The following FHIT variants were observed in gnomAD, a reference collection of about 807,000 sequenced individuals.
FHIT encodes the protein fragile histidine triad diadenosine triphosphatase.
Under a neutral mutation model 17.9 loss-of-function variants are expected in FHIT, and 19 were observed. That is an observed-to-expected ratio of 1.06 (90% confidence interval 0.74 to 1.56). The LOEUF (loss-of-function observed/expected upper bound fraction) is 1.56. Ranked by LOEUF, FHIT falls within the 40% of genes most tolerant of loss-of-function variation. The pLI is 0.00. For synonymous variants in FHIT, 81 were observed against 69.7 expected, an observed-to-expected ratio of 1.16 and a Z score of -0.81; for missense variants, 248 against 189.2, an observed-to-expected ratio of 1.31 and a Z score of -1.82.
chr3:60,488,526 G>A (rs187158670), intron 5 of FHIT, among the ~76,000 whole-genome samples: 17 of 152,286 alleles, frequency 1.1e-4, no homozygotes, highest in Admixed American at 9.8e-4. Flanking sequence ...GGGTCTTGAG[G>A]ATCTAGACAT....
chr3:60,786,485 T>G (rs557981782), intron 4 of FHIT, among the ~76,000 whole-genome samples: 1 of 152,340 alleles, frequency 6.6e-6, no homozygotes, highest in Non-Finnish European at 1.5e-5. Context: ...TAGCAATACC[T>G]GTCCTCAAAT....
chr3:61,202,154 G>A (rs2039040375), intron 1 of FHIT, among the ~76,000 whole-genome samples: 2 of 152,174 alleles, frequency 1.3e-5, no homozygotes, highest in South Asian at 4.2e-4. Context: ...TGGGAAGTGA[G>A]AAGCGCCTCT....
At chr3:60,379,566 A>G (rs759996456) in intron 5 of FHIT, among the ~76,000 whole-genome samples, 29 of 152,202 alleles carry the variant, frequency 1.9e-4, no homozygotes, top group Non-Finnish European at 4.0e-4. Context: ...TTCAACAGGA[A>G]CAAGTTTGGT....
intron 7 of FHIT, among the ~76,000 whole-genome samples, chr3:59,994,107 G>C (rs1353410593): frequency 6.6e-6 from 1 of 152,022 alleles, no homozygotes; most frequent in African/African-American, 2.4e-5. Context: ...GGATCACAGA[G>C]CTAGGAAGAA....
chr3:60,987,721 T>C (rs1167010397), intron 3 of FHIT, among the ~76,000 whole-genome samples: 1 of 152,200 alleles, frequency 6.6e-6, no homozygotes, highest in African/African-American at 2.4e-5. Flanking sequence ...AAAATCATTT[T>C]ATAGAGCCAA....
chr3:59,808,992 C>T (rs190605305), intron 8 of FHIT, among the ~76,000 whole-genome samples: 6 of 152,130 alleles, frequency 3.9e-5, no homozygotes, highest in East Asian at 1.9e-4. Flanking sequence ...ATCATTTTCC[C>T]GGTGGTGATC....
rs368230737 is a variant in FHIT at position 60,270,836 on chromosome 3, T to C, written c.104-256684A>G. ...TGGGGAGGAACACCGGCAAGGATTT[T>C]ATCCTTCCAGAGAAAGCCATATCTG... is the stretch of plus-strand genomic sequence containing the variant. On this transcript the variant is annotated intron_variant, in intron 5 of 9. Transcript: ENST00000492590. Among the ~76,000 whole-genome samples the C allele has an allele frequency of 8.5e-5, 13 of 152,306 alleles. No individual in the cohort carries two copies. The East Asian group carries it at 1.9e-3, about 23-fold the overall frequency.
intron 5 of FHIT, among the ~76,000 whole-genome samples, chr3:60,318,221 T>A (rs993913383): frequency 6.6e-6 from 1 of 152,056 alleles, no homozygotes; most frequent in African/African-American, 2.4e-5. Context: ...AAGAAAAAAA[T>A]CACATTAAGG....
At chr3:59,804,713 A>G (rs1223349019) in intron 8 of FHIT, among the ~76,000 whole-genome samples, 1 of 152,174 alleles carries the variant, frequency 6.6e-6, no homozygotes, top group Non-Finnish European at 1.5e-5. Flanking sequence ...TCAAGTGTGA[A>G]TCAGCCTTAT....
At chr3:60,119,713 T>C (rs537989218) in intron 5 of FHIT, among the ~76,000 whole-genome samples, 9 of 152,290 alleles carry the variant, frequency 5.9e-5, no homozygotes, top group African/African-American at 2.2e-4. Flanking sequence ...TAACCACTCA[T>C]TGAGTACTGG....
chr3:61,071,313 CA>C (rs1262619785), intron 2 of FHIT, among the ~76,000 whole-genome samples: 1 of 152,170 alleles, frequency 6.6e-6, no homozygotes, highest in East Asian at 1.9e-4. Flanking sequence ...GTAGACTATA[CA>C]ACATACTTGG....
chr3:60,543,736 T>C (rs2036260677), intron 4 of FHIT, among the ~76,000 whole-genome samples: 1 of 151,888 alleles, frequency 6.6e-6, no homozygotes, highest in South Asian at 2.1e-4. Flanking sequence ...GCTGATTCTC[T>C]TTTTTGTTGT....
At chr3:60,128,097 TA>T (rs1363586754) in intron 5 of FHIT, among the ~76,000 whole-genome samples, 1 of 152,202 alleles carries the variant, frequency 6.6e-6, no homozygotes, top group Non-Finnish European at 1.5e-5. Context: ...CAACATTGAG[TA>T]TTTAATATGA....
chr3:60,871,837 A>T (rs553812294), intron 3 of FHIT, among the ~76,000 whole-genome samples: 1 of 151,886 alleles, frequency 6.6e-6, no homozygotes, highest in African/African-American at 2.4e-5. Flanking sequence ...TTATTTATTT[A>T]TTTTTTGTAG....
chr3:60,317,909 GC>G (rs1409766345), intron 5 of FHIT, among the ~76,000 whole-genome samples: 1 of 151,482 alleles, frequency 6.6e-6, no homozygotes, highest in Non-Finnish European at 1.5e-5. Flanking sequence ...TCCTGCCTTA[GC>G]CTCCCTAGTA....
intron 5 of FHIT, among the ~76,000 whole-genome samples, chr3:60,178,758 G>C (rs943243873): frequency 5.9e-5 from 9 of 152,092 alleles, no homozygotes; most frequent in African/African-American, 1.9e-4. Flanking sequence ...ATTGAAGAAA[G>C]ACTTTCACAG....
At position 60,115,476 on chromosome 3, in the gene FHIT, G is replaced by A. The variant is rs993318883; in HGVS notation, c.104-101324C>T. 2.0e-5 allele frequency among the ~76,000 whole-genome samples: 3 copies of A among 152,068 alleles called. No homozygotes were observed. The South Asian group carries it at 6.2e-4, about 32-fold the overall frequency. Reference sequence around the variant, plus strand: ...AAACGGTAATTTTGTTGGAAAAATAGGCAGAGTATTTTCATTTATATTCAA... The same window carrying A: ...AAACGGTAATTTTGTTGGAAAAATAAGCAGAGTATTTTCATTTATATTCAA... On this transcript the variant is annotated intron_variant, in intron 5 of 9. Transcript: ENST00000492590.
chr3:60,699,804 T>G (rs2107905326), intron 4 of FHIT, among the ~76,000 whole-genome samples: 1 of 120,414 alleles, frequency 8.3e-6, no homozygotes, highest in Non-Finnish European at 1.6e-5. Flanking sequence ...ATGAGAAAAA[T>G]CATTTTAATT....
At chr3:60,258,347 T>G (rs1004385156) in intron 5 of FHIT, among the ~76,000 whole-genome samples, 1 of 152,224 alleles carries the variant, frequency 6.6e-6, no homozygotes, top group East Asian at 1.9e-4. Context: ...TTCCTCAGGA[T>G]TCCCTTGTTT....
Sources: allele counts gnomAD v4.1 joint callset (sites outside exome capture counted in the v4.1 genomes callset), GRCh38; gene constraint gnomAD v4.1.1; transcripts MANE v1.5; gene names NCBI Gene and HGNC (gene_info 2026-07-23, HGNC 2026-07-21).